The following ERC1 variants were observed in gnomAD, a reference collection of about 807,000 sequenced individuals.
The protein encoded by ERC1 is ELKS/RAB6-interacting/CAST family member 1.
ERC1 carries 56 observed loss-of-function variants against 132.0 expected under a neutral mutation model. That is an observed-to-expected ratio of 0.42 (90% confidence interval 0.34 to 0.53). The LOEUF is 0.53. ERC1 is among the 20% of genes least tolerant of loss of function. The pLI is 0.03. For synonymous variants in ERC1, 478 were observed against 476.1 expected, an observed-to-expected ratio of 1.00 and a Z score of -0.05; for missense variants, 1,202 against 1,349.9, an observed-to-expected ratio of 0.89 and a Z score of 1.72.
chr12:1,212,367 A>G (rs926466592), intron 12 of ERC1, among the ~76,000 whole-genome samples: 61 of 152,012 alleles, frequency 4.0e-4, no homozygotes, highest in African/African-American at 1.5e-3. Flanking sequence ...ATCCCTTAGG[A>G]AAGTTCAGAT....
intron 14 of ERC1, among the ~76,000 whole-genome samples, chr12:1,287,818 A>G (rs928908425): frequency 6.6e-6 from 1 of 152,168 alleles, no homozygotes; most frequent in African/African-American, 2.4e-5. Context: ...TTCATGAGCC[A>G]GTTTCTTATA....
intron 17 of ERC1, among the ~76,000 whole-genome samples, chr12:1,433,483 T>C (rs1298217488): frequency 6.6e-6 from 1 of 152,208 alleles, no homozygotes; most frequent in Non-Finnish European, 1.5e-5. Context: ...AACCTTCACA[T>C]ACATAGAATG....
chr12:993,209 G>T (rs1008331692), intron 1 of ERC1, among the ~76,000 whole-genome samples: 2 of 152,168 alleles, frequency 1.3e-5, no homozygotes, highest in Admixed American at 6.5e-5. Context: ...TTTGACTTTG[G>T]ATTAGTTAGA....
At chr12:1,354,797 T>C (rs1387403761) in intron 15 of ERC1, among the ~76,000 whole-genome samples, 1 of 151,938 alleles carries the variant, frequency 6.6e-6, no homozygotes, top group Non-Finnish European at 1.5e-5. Context: ...ACTACAGGAG[T>C]GCGCCCGGCT....
At chr12:1,353,223 G>A (rs894336998) in intron 15 of ERC1, among the ~76,000 whole-genome samples, 3 of 151,792 alleles carry the variant, frequency 2.0e-5, no homozygotes, top group Non-Finnish European at 2.9e-5. Context: ...GTAGAGATGG[G>A]GTTTCACCGT....
chr12:1,405,434 T>C (rs565328821), intron 16 of ERC1, among the ~76,000 whole-genome samples: 10 of 152,244 alleles, frequency 6.6e-5, no homozygotes, highest in African/African-American at 1.4e-4. Context: ...CCAGGCACAG[T>C]TGCTCACGCC....
intron 14 of ERC1, among the ~76,000 whole-genome samples, chr12:1,267,269 C>A (rs1222023048): frequency 2.0e-5 from 3 of 152,188 alleles, no homozygotes; most frequent in Non-Finnish European, 4.4e-5. Flanking sequence ...CGTGGGGATT[C>A]TATTTCTGGA....
rs1337169487 is a variant in ERC1 at position 1,493,542 on chromosome 12, AAAAAAAATATATATATATAT to A, written c.*3314_*3333del. On this transcript the variant is annotated 3_prime_UTR_variant, in exon 19 of 19. Coordinates refer to ENST00000360905, the MANE Select transcript of ERC1 (RefSeq NM_178040.4). ...ACAGAGACTCCATTTAAAAAAAAAA[AAAAAAAATATATATATATAT>A]ATATATATATATATATGGATGGGAA... The A allele has an allele frequency of 7.2e-4, 17 of 23,482 alleles. 1 individual carries two copies. In the East Asian group the frequency reaches 0.012, roughly 17 times the overall value. The allele number at this position is 23,482 out of a possible 1,614,324, so 1.5% of individuals were successfully genotyped here. A position where few individuals can be genotyped will look rare whatever the true frequency, so the allele number is the denominator to read the frequency against.
At position 1,492,934 on chromosome 12, in the gene ERC1, T is replaced by C. The variant is rs532403815; in HGVS notation, c.*2704T>C. On this transcript the variant is annotated 3_prime_UTR_variant, in exon 19 of 19. Coordinates refer to ENST00000360905, the MANE Select transcript of ERC1 (RefSeq NM_178040.4). ...GGGCATACAACTGCTACTGAAGTTA[T>C]ATAGCCTTGAAAACTCAGTGCAGGT... 4 of 228,004 alleles carry C rather than the reference T, an allele frequency of 1.8e-5. No individual in the cohort carries two copies. Among genetic ancestry groups the C allele is most frequent in the East Asian group, 1.2e-4 (2 of 16,010 alleles). The allele number at this position is 228,004 out of a possible 1,614,324, so 14.1% of individuals were successfully genotyped here.
rs1197162141 is a variant in ERC1, at chr12:1,491,254, G to A, written c.*1024G>A. 8.7e-6 allele frequency: 2 copies of A among 231,120 alleles called. No homozygotes were observed. The highest frequency in any genetic ancestry group is 6.1e-5 in the East Asian group (1 of 16,370). The allele number at this position is 231,120 out of a possible 1,614,324, so 14.3% of individuals were successfully genotyped here. On this transcript the variant is annotated 3_prime_UTR_variant, in exon 19 of 19. Coordinates refer to ENST00000360905, the MANE Select transcript of ERC1 (RefSeq NM_178040.4). ...CCTGAGCTCCTGCAGCCCAGTGGCTGCTGAAGTTGTGATCCCTCACTCACC... is the reference window on the plus strand; with the variant it reads ...CCTGAGCTCCTGCAGCCCAGTGGCTACTGAAGTTGTGATCCCTCACTCACC...
intron 12 of ERC1, among the ~76,000 whole-genome samples, chr12:1,230,107 A>G (rs899514748): frequency 6.6e-6 from 1 of 150,738 alleles, no homozygotes; most frequent in Non-Finnish European, 1.5e-5. Context: ...CCCGGGTTCA[A>G]GCGATTCTCC....
chr12:1,235,762 GAAAAT>G (rs1244429823), intron 12 of ERC1, among the ~76,000 whole-genome samples: 8 of 152,018 alleles, frequency 5.3e-5, no homozygotes, highest in South Asian at 2.1e-4. Context: ...TAGCTTCTTG[GAAAAT>G]AAAATAAAAT....
intron 15 of ERC1, among the ~76,000 whole-genome samples, chr12:1,302,717 C>T (rs2080498883): frequency 1.3e-5 from 2 of 152,090 alleles, no homozygotes; most frequent in Admixed American, 1.3e-4. Context: ...CCTGTAATCC[C>T]AGCACTTTGG....
At chr12:1,028,824 C>T (rs1333257894) in intron 2 of ERC1, among the ~76,000 whole-genome samples, 1 of 149,922 alleles carries the variant, frequency 6.7e-6, no homozygotes, top group African/African-American at 2.4e-5. Context: ...TCTTTCTCTT[C>T]GTGTCTTTCC....
At chr12:1,354,714 A>G (rs753683072) in intron 15 of ERC1, among the ~76,000 whole-genome samples, 3 of 152,110 alleles carry the variant, frequency 2.0e-5, no homozygotes, top group Non-Finnish European at 4.4e-5. Flanking sequence ...GCCGAAGCGC[A>G]GTGTCGGCTC....
At chr12:1,212,131 G>A (rs1957937095) in intron 12 of ERC1, among the ~76,000 whole-genome samples, 1 of 151,792 alleles carries the variant, frequency 6.6e-6, no homozygotes, top group Non-Finnish European at 1.5e-5. Flanking sequence ...CCTTATATAA[G>A]TCCTATATAC....
chr12:1,476,127 C>T (rs1426334412), intron 18 of ERC1, among the ~76,000 whole-genome samples: 2 of 151,680 alleles, frequency 1.3e-5, no homozygotes, highest in African/African-American at 4.8e-5. Flanking sequence ...TAGCCTGGGG[C>T]CACCTGTGGT....
At chr12:1,365,688 GC>G (rs1230043793) in intron 15 of ERC1, among the ~76,000 whole-genome samples, 1 of 152,136 alleles carries the variant, frequency 6.6e-6, no homozygotes, top group Non-Finnish European at 1.5e-5. Flanking sequence ...AGCAGTTTAG[GC>G]TAATGCAATG....
intron 15 of ERC1, among the ~76,000 whole-genome samples, chr12:1,327,286 C>T (rs1254827966): frequency 6.6e-6 from 1 of 151,862 alleles, no homozygotes; most frequent in Admixed American, 6.6e-5. Flanking sequence ...AGAGTCTTGT[C>T]TTATATCTTT....
Sources: gnomAD v4.1 joint callset for allele counts (sites outside exome capture counted in the v4.1 genomes callset) on GRCh38, gnomAD v4.1.1 for gene constraint, MANE v1.5 for transcripts, NCBI Gene and HGNC (gene_info 2026-07-23, HGNC 2026-07-21) for gene names.